Variants in ADGRB3 observed in about 807,000 individuals in gnomAD.
ADGRB3 encodes brain-specific angiogenesis inhibitor 3.
In ADGRB3, 37 loss-of-function variants were observed where a neutral mutation model predicts 193.4. The observed-to-expected ratio is 0.19, with a 90% CI of 0.15 to 0.25. The LOEUF is 0.25. Ranked by LOEUF, ADGRB3 falls within the 10% of genes least tolerant of loss-of-function variation. The pLI is 1.00. For synonymous variants in ADGRB3, 690 were observed against 644.2 expected, an observed-to-expected ratio of 1.07 and a Z score of -1.08; for missense variants, 1,637 against 1,852.9, an observed-to-expected ratio of 0.88 and a Z score of 2.14.
intron 3 of ADGRB3, among the ~76,000 whole-genome samples, chr6:68,694,194 G>A (rs750010929): frequency 6.6e-6 from 1 of 151,996 alleles, no homozygotes; most frequent in Non-Finnish European, 1.5e-5. Flanking sequence ...GCAAATTTAG[G>A]ACTGTTGACA....
chr6:69,028,015 C>A (rs7741493), intron 13 of ADGRB3, among the ~76,000 whole-genome samples: 64,557 of 151,976 alleles, frequency 0.42, 14,398 homozygotes, highest in African/African-American at 0.47. Context: ...AATCCTTGCT[C>A]CTGTGGTTTG....
chr6:68,990,904 A>G (rs926524556), intron 10 of ADGRB3, among the ~76,000 whole-genome samples: 2 of 152,146 alleles, frequency 1.3e-5, no homozygotes, highest in African/African-American at 4.8e-5. Flanking sequence ...TGTGATTTGC[A>G]TTGCCAGCAC....
At chr6:69,280,884 A>G (rs1358726335) in intron 20 of ADGRB3, among the ~76,000 whole-genome samples, 1 of 152,180 alleles carries the variant, frequency 6.6e-6, no homozygotes, top group African/African-American at 2.4e-5. Context: ...ACATAATACA[A>G]AAGAAAAAAG....
chr6:69,287,102 T>TAAAGAA (rs1231640492), intron 20 of ADGRB3, among the ~76,000 whole-genome samples: 2 of 152,194 alleles, frequency 1.3e-5, no homozygotes, highest in Non-Finnish European at 2.9e-5. Context: ...TAAGTTGGTG[T>TAAAGAA]AAAGAAAAAA....
Position 69,291,209 on chromosome 6 carries a change from C to T in ADGRB3, c.2815-33663C>T, listed in dbSNP as rs142670341. ...TATGTGCCCACCTTCATATAATTCT[C>T]GGAATTCCAATAATGCTCACTTTAT... On this transcript the variant is annotated intron_variant, in intron 20 of 31. Coordinates refer to ENST00000370598, the MANE Select transcript of ADGRB3 (RefSeq NM_001704.3). 4.5e-3 allele frequency among the ~76,000 whole-genome samples: 688 copies of T among 152,008 alleles called. 3 individuals are homozygous for T. Among genetic ancestry groups the T allele is most frequent in the African/African-American group, 0.015 (636 of 41,460 alleles).
chr6:69,180,985 A>C (rs1775565141), intron 17 of ADGRB3, among the ~76,000 whole-genome samples: 1 of 151,884 alleles, frequency 6.6e-6, no homozygotes, highest in East Asian at 1.9e-4. Flanking sequence ...CTGCAAGTCA[A>C]CTCCAGAGCT....
At chr6:69,003,380 T>C (rs1260237791) in intron 11 of ADGRB3, among the ~76,000 whole-genome samples, 1 of 152,092 alleles carries the variant, frequency 6.6e-6, no homozygotes, top group Non-Finnish European at 1.5e-5. Context: ...GGGCAGGGAA[T>C]GTATCAGGGA....
chr6:68,962,329 T>TG (rs1376313344), intron 8 of ADGRB3, among the ~76,000 whole-genome samples: 1 of 152,136 alleles, frequency 6.6e-6, no homozygotes, highest in Non-Finnish European at 1.5e-5. Flanking sequence ...TGGGCAGACT[T>TG]GGGGAAGAAC....
intron 1 of ADGRB3, among the ~76,000 whole-genome samples, chr6:68,637,008 T>C (rs1767975716): frequency 6.6e-6 from 1 of 151,954 alleles, no homozygotes; most frequent in African/African-American, 2.4e-5. Context: ...CTTACAACTT[T>C]CTCTGTTTTT....
At chr6:69,027,370 C>T (rs934868747) in intron 13 of ADGRB3, among the ~76,000 whole-genome samples, 7 of 152,192 alleles carry the variant, frequency 4.6e-5, no homozygotes, top group Non-Finnish European at 8.8e-5. Context: ...GCTGGCATCT[C>T]CTATGATAAC....
chr6:68,657,908 A>T (rs550866865), intron 3 of ADGRB3, among the ~76,000 whole-genome samples: 3 of 151,480 alleles, frequency 2.0e-5, no homozygotes, highest in Non-Finnish European at 4.4e-5. Context: ...TTTTCTGTTA[A>T]CCTGGCATCT....
At chr6:68,936,760 T>C in intron 5 of ADGRB3, 80 bp downstream of exon 5, 1 of 1,449,812 alleles carries the variant, frequency 6.9e-7, no homozygotes, top group East Asian at 2.4e-5. Context: ...GTTATTTTCA[T>C]ATGAAACGGG....
At chr6:69,262,679 A>AAGAG (rs200145567) in intron 20 of ADGRB3, among the ~76,000 whole-genome samples, 2 of 150,900 alleles carry the variant, frequency 1.3e-5, no homozygotes, top group African/African-American at 4.8e-5. Flanking sequence ...GATATTTTGA[A>AAGAG]AGAGAGAGAG....
intron 17 of ADGRB3, among the ~76,000 whole-genome samples, chr6:69,159,885 T>C (rs1774938834): frequency 6.6e-6 from 1 of 152,158 alleles, no homozygotes. Flanking sequence ...GCACACATTC[T>C]TTCCTATCCC....
chr6:68,717,685 A>G (rs574172622), intron 3 of ADGRB3, among the ~76,000 whole-genome samples: 5 of 151,690 alleles, frequency 3.3e-5, no homozygotes, highest in African/African-American at 4.8e-5. Context: ...ATAAAGATAT[A>G]AAAATTAAAC....
intron 17 of ADGRB3, among the ~76,000 whole-genome samples, chr6:69,167,121 A>G (rs565977466): frequency 6.6e-6 from 1 of 152,222 alleles, no homozygotes; most frequent in South Asian, 2.1e-4. Context: ...TTTATTGCTC[A>G]TCCCATGCAT....
chr6:69,029,107 C>T (rs1242088497), intron 13 of ADGRB3, among the ~76,000 whole-genome samples: 1 of 152,054 alleles, frequency 6.6e-6, no homozygotes, highest in Admixed American at 6.6e-5. Context: ...GCTCAGCCAA[C>T]CACATTCTAA....
chr6:68,715,569 CT>C (rs1765475884), intron 3 of ADGRB3, among the ~76,000 whole-genome samples: 1 of 151,724 alleles, frequency 6.6e-6, no homozygotes, highest in African/African-American at 2.4e-5. Flanking sequence ...CATTCTCCCA[CT>C]AATCTTCCAT....
intron 3 of ADGRB3, among the ~76,000 whole-genome samples, chr6:68,919,442 C>A (rs1766977557): frequency 6.6e-6 from 1 of 151,986 alleles, no homozygotes; most frequent in Admixed American, 6.6e-5. Flanking sequence ...AGGTGGCCTG[C>A]AAAATGTATA....
Sources: allele counts gnomAD v4.1 joint callset (sites outside exome capture counted in the v4.1 genomes callset), GRCh38; gene constraint gnomAD v4.1.1; transcripts MANE v1.5; gene names NCBI Gene and HGNC (gene_info 2026-07-23, HGNC 2026-07-21).